The following CDH13 variants were observed in gnomAD, a reference collection of about 807,000 sequenced individuals.
The protein encoded by CDH13 is cadherin-13.
CDH13 carries 24 observed loss-of-function variants against 63.8 expected under a neutral mutation model. That is an observed-to-expected ratio of 0.38 (90% CI 0.27 to 0.53). The LOEUF is 0.53. Among genes scored for constraint, CDH13 ranks in the 20% least tolerant of loss-of-function variants. CDH13 has a pLI of 0.85. For missense variants in CDH13, 1,049 were observed against 903.1 expected (o/e 1.16, Z -2.07); for synonymous variants, 503 against 355.3 (o/e 1.42, Z -4.67).
At chr16:82,979,937 T>C (rs1406469288) in intron 2 of CDH13, among the ~76,000 whole-genome samples, 4 of 152,200 alleles carry the variant, frequency 2.6e-5, no homozygotes, top group African/African-American at 9.6e-5. Context: ...CCTTGGGTCA[T>C]GTTTAAGTAA....
chr16:82,710,189 T>G (rs1425645967), intron 1 of CDH13, among the ~76,000 whole-genome samples: 2 of 131,846 alleles, frequency 1.5e-5, no homozygotes, highest in Non-Finnish European at 3.2e-5. Flanking sequence ...TAAATTAAAT[T>G]TATTATTTAT....
chr16:83,458,782 T>G (rs1241831740), intron 6 of CDH13, among the ~76,000 whole-genome samples: 1 of 152,214 alleles, frequency 6.6e-6, no homozygotes, highest in Non-Finnish European at 1.5e-5. Context: ...ATTTCTGACA[T>G]TCTGTCTGCT....
intron 2 of CDH13, among the ~76,000 whole-genome samples, chr16:82,919,141 A>G (rs1000669053): frequency 7.2e-5 from 11 of 152,278 alleles, no homozygotes; most frequent in African/African-American, 2.6e-4. Context: ...TATATATTCC[A>G]AATGTGTTTT....
chr16:83,448,320 G>C (rs2072773152), intron 6 of CDH13, among the ~76,000 whole-genome samples: 1 of 152,124 alleles, frequency 6.6e-6, no homozygotes, highest in Non-Finnish European at 1.5e-5. Flanking sequence ...CATCATGGTA[G>C]CTAGACATAT....
At chr16:82,676,577 CT>C (rs773829974) in intron 1 of CDH13, among the ~76,000 whole-genome samples, 3 of 144,120 alleles carry the variant, frequency 2.1e-5, no homozygotes, top group Non-Finnish European at 4.5e-5. Context: ...CAATCTTTCT[CT>C]TCTCCCCAAC....
At chr16:83,171,074 G>T (rs770756610) in intron 4 of CDH13, among the ~76,000 whole-genome samples, 1 of 152,028 alleles carries the variant, frequency 6.6e-6, no homozygotes, top group African/African-American at 2.4e-5. Context: ...AATTTATAAA[G>T]AGAAGAGGTT....
intron 1 of CDH13, among the ~76,000 whole-genome samples, chr16:82,736,140 T>C (rs1401947477): frequency 6.6e-6 from 1 of 152,238 alleles, no homozygotes; most frequent in Non-Finnish European, 1.5e-5. Context: ...TCTATGTTTC[T>C]CCTTTGCTTA....
At chr16:83,163,331 G>A (rs1040168461) in intron 4 of CDH13, among the ~76,000 whole-genome samples, 1 of 151,860 alleles carries the variant, frequency 6.6e-6, no homozygotes, top group African/African-American at 2.4e-5. Context: ...TAGGTTCTCT[G>A]CATTGGTTCA....
chr16:82,974,145 G>C (rs1330175380), intron 2 of CDH13, among the ~76,000 whole-genome samples: 1 of 152,142 alleles, frequency 6.6e-6, no homozygotes, highest in Non-Finnish European at 1.5e-5. Context: ...CAGCACGTTG[G>C]CCAGGCTGAT....
chr16:82,832,644 T>A (rs2038595442), intron 1 of CDH13, among the ~76,000 whole-genome samples: 1 of 152,072 alleles, frequency 6.6e-6, no homozygotes, highest in African/African-American at 2.4e-5. Flanking sequence ...TCAACTATTA[T>A]CACCCCAAAA....
chr16:83,752,018 C>G (rs971240369), intron 11 of CDH13, among the ~76,000 whole-genome samples: 1 of 152,212 alleles, frequency 6.6e-6, no homozygotes, highest in Non-Finnish European at 1.5e-5. Flanking sequence ...GAGGTCTGGA[C>G]AGAGTACTGA....
At chr16:83,220,560 A>G (rs1482114672) in intron 5 of CDH13, among the ~76,000 whole-genome samples, 1 of 151,998 alleles carries the variant, frequency 6.6e-6, no homozygotes, top group Non-Finnish European at 1.5e-5. Flanking sequence ...ATATGTAACA[A>G]ACCTGTACGT....
intron 2 of CDH13, among the ~76,000 whole-genome samples, chr16:82,889,889 C>G (rs552846092): frequency 2.6e-5 from 4 of 152,322 alleles, no homozygotes; most frequent in African/African-American, 9.6e-5. Flanking sequence ...GAGATGCTTG[C>G]TCAAGAGAGT....
At chr16:82,757,023 C>A (rs1269652981) in intron 1 of CDH13, among the ~76,000 whole-genome samples, 2 of 152,132 alleles carry the variant, frequency 1.3e-5, no homozygotes, top group Non-Finnish European at 2.9e-5. Flanking sequence ...CTTTGCCTGG[C>A]AAACTGTTAC....
chr16:82,905,145 C>G (rs180686616), intron 2 of CDH13, among the ~76,000 whole-genome samples: 1 of 152,160 alleles, frequency 6.6e-6, no homozygotes, highest in African/African-American at 2.4e-5. Context: ...GCCACGGCTG[C>G]TGACAGCAGT....
In CDH13 at chr16:83,054,631, T is replaced by C. The variant is rs187204769; in HGVS notation, c.366+22413T>C. 1.9e-3 allele frequency among the ~76,000 whole-genome samples: 294 copies of C among 152,280 alleles called. 3 individuals carry two copies. In the Middle Eastern group the frequency reaches 0.024, roughly 12 times the overall value. On this transcript the variant is annotated intron_variant, in intron 3 of 13. Coordinates refer to ENST00000567109, the MANE Select transcript of CDH13 (RefSeq NM_001257.5). Reference sequence around the variant, plus strand: ...AATATTTTCAGACTGCAATTGACTATAGGTAACTAAAACTACAGAAAGCAA... The same window carrying C: ...AATATTTTCAGACTGCAATTGACTACAGGTAACTAAAACTACAGAAAGCAA...
At chr16:83,788,114 G>A (rs533096242) in intron 13 of CDH13, among the ~76,000 whole-genome samples, 1 of 152,326 alleles carries the variant, frequency 6.6e-6, no homozygotes, top group East Asian at 1.9e-4. Context: ...TACCCAGAAA[G>A]TAGACAATTA....
At chr16:83,671,663 A>G (rs1914510687) in intron 9 of CDH13, among the ~76,000 whole-genome samples, 1 of 152,236 alleles carries the variant, frequency 6.6e-6, no homozygotes, top group Non-Finnish European at 1.5e-5. Flanking sequence ...AACGTGGGCT[A>G]CGACATGACT....
At chr16:82,849,660 A>T (rs2039400505) in intron 1 of CDH13, among the ~76,000 whole-genome samples, 2 of 152,242 alleles carry the variant, frequency 1.3e-5, no homozygotes. Flanking sequence ...ATACTGGATG[A>T]AGATCCCATC....
Sources: allele counts gnomAD v4.1 joint callset (sites outside exome capture counted in the v4.1 genomes callset), GRCh38; gene constraint gnomAD v4.1.1; transcripts MANE v1.5; gene names NCBI Gene and HGNC (gene_info 2026-07-23, HGNC 2026-07-21).